COG4: variants seen among roughly 807,000 people sequenced by gnomAD.
COG4 encodes the protein conserved oligomeric Golgi complex subunit 4.
In COG4, 65 loss-of-function variants were observed where a neutral mutation model predicts 95.1. The observed-to-expected ratio is 0.68, with a 90% CI of 0.56 to 0.84. The LOEUF (loss-of-function observed/expected upper bound fraction) is 0.84. COG4 is among the 40% of genes least tolerant of loss of function. The pLI is 0.00. For missense variants in COG4, 1,045 were observed against 989.1 expected (o/e 1.06, Z -0.76); for synonymous variants, 421 against 374.8 (o/e 1.12, Z -1.42).
rs944892150 is a variant in COG4 at position 70,504,379 on chromosome 16, G to C, written c.1062-3288C>G. Among the ~76,000 whole-genome samples, 62 of 152,128 alleles carry C rather than the reference G, an allele frequency of 4.1e-4. 1 individual carries two copies. Among genetic ancestry groups the C allele is most frequent in the Middle Eastern group, 3.4e-3 (1 of 294 alleles). On this transcript the variant is annotated intron_variant, in intron 8 of 18. Transcript: ENST00000323786. ...CCCACTACTTTGGGAGGCTGAGGCGGGCAGATCACCTGAGGTTAGGAGTTC... is the reference window on the plus strand; with the variant it reads ...CCCACTACTTTGGGAGGCTGAGGCGCGCAGATCACCTGAGGTTAGGAGTTC...
intron 1 of COG4, 65 bp from the exon 2 acceptor site, chr16:70,519,796 C>T: frequency 1.7e-6 from 2 of 1,191,568 alleles, no homozygotes; most frequent in Non-Finnish European, 2.5e-6. Context: ...TTATCTAATC[C>T]AATCACTTAG....
rs540302874 is a variant in COG4, at chr16:70,483,958, G to C, written c.1722C>G (p.Thr574=). The change falls in exon 14 of 19, where the codon ACC becomes ACG. Residue 574 remains threonine, a synonymous_variant. Transcript: ENST00000323786. ...CTCCAATGCCCTGGCTGAAGAGCTT[G>C]GTGCAGTCACTCTAGGGGAGAACAC... is the stretch of plus-strand genomic sequence containing the variant. ...TLKKTLESDC[T]KLFSQGIGGE... 2.4e-5 allele frequency: 39 copies of C among 1,612,200 alleles called. No individual in the cohort carries two copies. The Admixed American group carries it at 3.7e-4, about 15-fold the overall frequency.
intron 13 of COG4, among the ~76,000 whole-genome samples, chr16:70,488,678 G>T (rs1044270886): frequency 6.6e-6 from 1 of 152,150 alleles, no homozygotes; most frequent in Non-Finnish European, 1.5e-5. Context: ...CTCCCGAGTA[G>T]CTGGGATTAT....
At chr16:70,486,508 T>C (rs2049138990) in intron 13 of COG4, among the ~76,000 whole-genome samples, 1 of 152,172 alleles carries the variant, frequency 6.6e-6, no homozygotes, top group African/African-American at 2.4e-5. Flanking sequence ...CTGATGGGGC[T>C]AAGAAAGAAC....
intron 12 of COG4, among the ~76,000 whole-genome samples, chr16:70,491,185 G>T (rs2049236286): frequency 6.6e-6 from 1 of 152,018 alleles, no homozygotes; most frequent in Admixed American, 6.6e-5. Flanking sequence ...GTATTATCAA[G>T]CCCAGTGCAC....
At chr16:70,500,355 A>C (rs1189900334) in intron 9 of COG4, among the ~76,000 whole-genome samples, 1 of 139,098 alleles carries the variant, frequency 7.2e-6, no homozygotes, top group African/African-American at 3.0e-5. Context: ...ATTCCTGTAC[A>C]TTATATACTC....
In COG4 at chr16:70,496,751, G is replaced by A. The variant is rs35690669; in HGVS notation, c.1482-320C>T. On this transcript the variant is annotated intron_variant, in intron 11 of 18. Transcript: ENST00000323786. ...CAGTACCATGTAGGAGTTGAGAACA[G>A]GTTTTGAGTCACTCAGTTCTGGATT... Among the ~76,000 whole-genome samples the A allele has an allele frequency of 2.1e-3, 321 of 152,310 alleles. 2 individuals are homozygous for A. Among genetic ancestry groups the A allele is most frequent in the Non-Finnish European group, 3.6e-3 (248 of 68,034 alleles).
At chr16:70,518,265 C>A (rs1851078831) in intron 2 of COG4, among the ~76,000 whole-genome samples, 3 of 152,148 alleles carry the variant, frequency 2.0e-5, no homozygotes. Flanking sequence ...TAAATAGGTA[C>A]AGTCAAAGAA....
At chr16:70,491,381 C>G (rs1443433850) in intron 12 of COG4, among the ~76,000 whole-genome samples, 2 of 151,620 alleles carry the variant, frequency 1.3e-5, no homozygotes, top group South Asian at 4.2e-4. Flanking sequence ...ATTAGCCAGG[C>G]GTGGTGGTGC....
At chr16:70,509,810 T>G in intron 6 of COG4, 106 bp downstream of exon 6, 2 of 818,474 alleles carry the variant, frequency 2.4e-6, no homozygotes, top group Non-Finnish European at 4.1e-6. Context: ...CACAATAAAC[T>G]ACATGATTAA....
At position 70,496,312 on chromosome 16, in the gene COG4, T is replaced by A; in HGVS notation, c.1601A>T (p.Asp534Val). Residue 534 changes from aspartate to valine, a missense_variant, in exon 12 of 19, where the codon GAC (aspartate) becomes GTC (valine). By Grantham distance (152) the Asp-to-Val change is radical. Transcript: ENST00000323786. ...GTCAGTACTCTCGATGCCTTTTGTG[T>A]CAAATTTGCCTTGCTGGAGGCTGCT... ...MHSSLQQGKF[D>V]TKGIESTDEA... 1 of 1,614,126 alleles carries A rather than the reference T, an allele frequency of 6.2e-7. No homozygotes were observed. Among genetic ancestry groups the A allele is most frequent in the Non-Finnish European group, 8.5e-7 (1 of 1,180,010 alleles).
chr16:70,496,513 C>A (rs2049343310), intron 11 of COG4, 82 bp from the exon 12 acceptor site: 1 of 1,396,136 alleles, frequency 7.2e-7, no homozygotes, highest in Non-Finnish European at 1.0e-6. Context: ...ACCACTCTGA[C>A]CCAGCAGCAC....
At chr16:70,486,878 C>T (rs1466263530) in intron 13 of COG4, among the ~76,000 whole-genome samples, 3 of 152,080 alleles carry the variant, frequency 2.0e-5, no homozygotes, top group Admixed American at 1.3e-4. Flanking sequence ...CACCTGTAGT[C>T]TCAGCTACTT....
At chr16:70,481,212 CCAGGGGCAGAGCA>C in intron 18 of COG4, 68 bp from the exon 19 acceptor site, 1 of 1,606,256 alleles carries the variant, frequency 6.2e-7, no homozygotes, top group Non-Finnish European at 8.5e-7. Flanking sequence ...CTGGCCTCTA[CCAGGGGCAGAGCA>C]GGGGCACCCG....
At chr16:70,511,833 G>A (rs1005962587) in intron 5 of COG4, among the ~76,000 whole-genome samples, 2 of 152,116 alleles carry the variant, frequency 1.3e-5, no homozygotes, top group African/African-American at 2.4e-5. Flanking sequence ...TCGGGAGGCT[G>A]AGGCAGGAGA....
intron 4 of COG4, among the ~76,000 whole-genome samples, chr16:70,514,023 A>G (rs919919446): frequency 1.3e-5 from 2 of 152,146 alleles, no homozygotes; most frequent in Non-Finnish European, 2.9e-5. Context: ...CTCTGTCCAC[A>G]TGGTGAAACC....
intron 8 of COG4, 28 bp from the exon 9 acceptor site, chr16:70,501,119 G>A (rs372109067): frequency 1.2e-6 from 2 of 1,609,602 alleles, no homozygotes; most frequent in Non-Finnish European, 1.7e-6. Flanking sequence ...GAAGGAATAG[G>A]ACGACAATGG....
At chr16:70,485,849 T>C (rs2049119997) in intron 13 of COG4, among the ~76,000 whole-genome samples, 1 of 151,614 alleles carries the variant, frequency 6.6e-6, no homozygotes, top group Admixed American at 6.6e-5. Flanking sequence ...CCTCCCAAAG[T>C]GCTGAGATTA....
intron 1 of COG4, 30 bp from the exon 2 acceptor site, chr16:70,519,761 G>C (rs1400727424): frequency 6.6e-7 from 1 of 1,509,550 alleles, no homozygotes; most frequent in Non-Finnish European, 9.2e-7. Flanking sequence ...CCTGTCAGCA[G>C]AATGATCAGA....
Sources: gnomAD v4.1 joint callset for allele counts (sites outside exome capture counted in the v4.1 genomes callset) on GRCh38, gnomAD v4.1.1 for gene constraint, MANE v1.5 for transcripts, NCBI Gene and HGNC (gene_info 2026-07-23, HGNC 2026-07-21) for gene names.